Variants in ENY2 observed in about 807,000 individuals in gnomAD.
ENY2 encodes the protein transcription and mRNA export factor ENY2.
ENY2 carries 4 observed loss-of-function variants against 15.9 expected under a neutral mutation model. The ratio of observed to expected loss-of-function variants is 0.25; its 90% CI spans 0.12 to 0.57. ENY2 has a LOEUF of 0.57. ENY2 is among the 20% of genes least tolerant of loss of function. The pLI, the probability that ENY2 is intolerant of heterozygous loss-of-function variation, is 0.91. For synonymous variants in ENY2, 48 were observed against 38.0 expected (o/e 1.26, Z -0.97); for missense variants, 54 against 117.2 (o/e 0.46, Z 2.49).
chr8:109,339,013 G>T, intron 2 of ENY2: 5 of 309,478 alleles, frequency 1.6e-5, no homozygotes, highest in Non-Finnish European at 3.0e-5. Context: ...TGATATTCCT[G>T]TTGGTAGAGG....
In ENY2 at chr8:109,334,486, C is replaced by T. The variant is rs780767587; in HGVS notation, c.6+12C>T. ...CCGCGGTGATGGTGGTGAGCTATGC[C>T]CGTGGTCCTCAGGGCCGGGACCCGG... On this transcript the variant is annotated intron_variant, in intron 1 of 4. Transcript: ENST00000521688. 6.2e-7 allele frequency: 1 copy of T among 1,613,168 alleles called. No homozygotes were observed. Among genetic ancestry groups the T allele is most frequent in the Non-Finnish European group, 8.5e-7 (1 of 1,179,714 alleles).
intron 2 of ENY2, among the ~76,000 whole-genome samples, chr8:109,337,602 CAAAG>C (rs981558439): frequency 7.2e-5 from 11 of 151,952 alleles, no homozygotes; most frequent in African/African-American, 1.9e-4. Flanking sequence ...ATAGAAAAAA[CAAAG>C]AAGAAATCAG....
At chr8:109,340,857 T>A (rs952087353) in intron 4 of ENY2, 53 of 252,338 alleles carry the variant, frequency 2.1e-4, no homozygotes, top group African/African-American at 1.2e-3. Flanking sequence ...TACATGAAGC[T>A]AGGATTTATA....
chr8:109,336,095 G>T, intron 1 of ENY2, 33 bp from the exon 2 acceptor site: 2 of 1,605,236 alleles, frequency 1.2e-6, no homozygotes, highest in Non-Finnish European at 8.5e-7. Flanking sequence ...CTTTGTAAAT[G>T]TTCTATATCT....
chr8:109,334,691 C>T (rs760784288), intron 1 of ENY2: 5 of 572,908 alleles, frequency 8.7e-6, no homozygotes, highest in Non-Finnish European at 1.5e-5. Flanking sequence ...TTCTATTTTC[C>T]CTAAGAATGT....
rs1369694016 is a variant in ENY2, at chr8:109,334,369, C to T, written c.-100C>T. 5 of 1,560,194 alleles carry T rather than the reference C, an allele frequency of 3.2e-6. No homozygotes were observed. The African/African-American group carries it at 4.1e-5, about 13-fold the overall frequency. ...TCTGTGTGCTTAGGTGCCCGAGCTACTGAGGGTCTAAGTCCGGGCAGCCGA... is the reference window on the plus strand; with the variant it reads ...TCTGTGTGCTTAGGTGCCCGAGCTATTGAGGGTCTAAGTCCGGGCAGCCGA... On this transcript the variant is annotated 5_prime_UTR_variant, in exon 1 of 5. Coordinates refer to ENST00000521688, the MANE Select transcript of ENY2 (RefSeq NM_020189.6).
Position 109,344,041 on chromosome 8 carries a change from T to G in ENY2, c.*560T>G, listed in dbSNP as rs1055252057. On this transcript the variant is annotated 3_prime_UTR_variant, in exon 5 of 5. Coordinates refer to ENST00000521688, the MANE Select transcript of ENY2 (RefSeq NM_020189.6). ...CATACCAAGCTCCTTCCACATACTC[T>G]ACTCATCTGAACTTTGAATGCAGAA... The G allele has an allele frequency of 6.6e-6, 1 of 152,258 alleles. No individual in the cohort carries two copies. The highest frequency in any genetic ancestry group is 2.4e-5 in the African/African-American group (1 of 41,440). The allele number at this position is 152,258 out of a possible 1,614,324, so 9.4% of individuals were successfully genotyped here. A position where few individuals can be genotyped will look rare whatever the true frequency, so the allele number is the denominator to read the frequency against.
Position 109,344,007 on chromosome 8 carries a change from A to G in ENY2, c.*526A>G, listed in dbSNP as rs573944197. The G allele has an allele frequency of 6.6e-6, 1 of 152,402 alleles. No homozygotes were observed. Among genetic ancestry groups the G allele is most frequent in the East Asian group, 1.9e-4 (1 of 5,186 alleles). The allele number at this position is 152,402 out of a possible 1,614,324, so 9.4% of individuals were successfully genotyped here. ...CATCTAATGGAAGAGAACATTTGCA[A>G]GTTGGCTCCATACCAAGCTCCTTCC... On this transcript the variant is annotated 3_prime_UTR_variant, in exon 5 of 5. Transcript: ENST00000521688.
rs1017850454 is a variant in ENY2, at chr8:109,334,415, C to G, written c.-54C>G. The stretch of plus-strand genomic sequence containing the variant: ...GCCGAAGAGTGTGGTAGGTAACGGT[C>G]CTCAGCGCAAGGGTCATTTCGTCGC... On this transcript the variant is annotated 5_prime_UTR_variant, in exon 1 of 5. Coordinates refer to ENST00000521688, the MANE Select transcript of ENY2 (RefSeq NM_020189.6). 1.2e-6 allele frequency: 2 copies of G among 1,613,374 alleles called. No homozygotes were observed. The highest frequency in any genetic ancestry group is 1.7e-5 in the Admixed American group (1 of 59,960).
intron 3 of ENY2, 107 bp downstream of exon 3, chr8:109,339,497 CAA>C (rs1178560761): frequency 3.4e-6 from 3 of 885,576 alleles, no homozygotes; most frequent in Non-Finnish European, 3.5e-6. Context: ...TGATTTTAAA[CAA>C]ATATGGAATT....
At position 109,344,507 on chromosome 8, in the gene ENY2, G is replaced by C. The variant is rs972773207; in HGVS notation, c.*1026G>C. On this transcript the variant is annotated 3_prime_UTR_variant, in exon 5 of 5. Transcript: ENST00000521688. ...CCACACCCAGACACCCAACTGCTAT[G>C]GATCAACTTTTTAGAATATCCTCAC... 1 of 152,192 alleles carries C rather than the reference G, an allele frequency of 6.6e-6. No homozygotes were observed. The highest frequency in any genetic ancestry group is 1.5e-5 in the Non-Finnish European group (1 of 68,054). The allele number at this position is 152,192 out of a possible 1,614,324, so 9.4% of individuals were successfully genotyped here.
chr8:109,339,434 A>G (rs1816067949), intron 3 of ENY2, 44 bp downstream of exon 3: 12 of 1,564,574 alleles, frequency 7.7e-6, no homozygotes, highest in Admixed American at 1.7e-5. Flanking sequence ...CATTTTTCTG[A>G]TCAGGATTGG....
intron 2 of ENY2, 26 bp from the exon 3 acceptor site, chr8:109,339,294 A>C (rs777155653): frequency 6.2e-7 from 1 of 1,608,782 alleles, no homozygotes; most frequent in Non-Finnish European, 8.5e-7. Flanking sequence ...ACATTGTTCA[A>C]TTTGAAAACA....
chr8:109,335,920 A>T (rs1815969759), intron 1 of ENY2: 2 of 401,092 alleles, frequency 5.0e-6, no homozygotes, highest in Admixed American at 4.3e-5. Context: ...ATTAAATGTG[A>T]TGTTTAAAAA....
chr8:109,345,082 T>C lies in ENY2; in HGVS notation c.*1601T>C, dbSNP rs781182970. ...TTGAACCCAGAAGCCCCCTTTCTCATATGTTTCTCATTCCTGTTTGCCCTT... is the reference window on the plus strand; with the variant it reads ...TTGAACCCAGAAGCCCCCTTTCTCACATGTTTCTCATTCCTGTTTGCCCTT... On this transcript the variant is annotated 3_prime_UTR_variant, in exon 5 of 5. Coordinates refer to ENST00000521688, the MANE Select transcript of ENY2 (RefSeq NM_020189.6). 1.3e-5 allele frequency: 2 copies of C among 152,198 alleles called. No individual in the cohort carries two copies. Among genetic ancestry groups the C allele is most frequent in the Admixed American group, 6.5e-5 (1 of 15,274 alleles). The allele number at this position is 152,198 out of a possible 1,614,324, so 9.4% of individuals were successfully genotyped here. A position where few individuals can be genotyped will look rare whatever the true frequency, so the allele number is the denominator to read the frequency against.
chr8:109,339,349 T>C lies in ENY2; in HGVS notation c.113T>C (p.Ile38Thr), dbSNP rs779740254. The change falls in exon 3 of 5, where the codon ATT becomes ACT. Residue 38 changes from isoleucine (I) to threonine (T), a missense_variant. By Grantham distance (89) the Ile-to-Thr change is moderately conservative (BLOSUM62 -1). Transcript: ENST00000521688. ...RLKELLRAKL[I>T]ECGWKDQLKA... The stretch of plus-strand genomic sequence containing the variant: ...AAAGAGTTGCTGAGAGCTAAATTAA[T>C]TGAATGTGGCTGGAAGGATCAGTTG... 2 of 1,613,984 alleles carry C rather than the reference T, an allele frequency of 1.2e-6. No individual in the cohort carries two copies. Among genetic ancestry groups the C allele is most frequent in the South Asian group, 2.2e-5 (2 of 91,076 alleles).
chr8:109,334,831 C>T lies in ENY2; in HGVS notation c.6+357C>T, dbSNP rs1399739287. ...CCAAGACGAGATCAAGTTCAATATT[C>T]CAGGAGTGGTACTGACTAGACCTTG... is the stretch of plus-strand genomic sequence containing the variant. On this transcript the variant is annotated intron_variant, in intron 1 of 4. Transcript: ENST00000521688. The T allele has an allele frequency of 1.6e-5, 6 of 365,824 alleles. No individual in the cohort carries two copies. In the Admixed American group the frequency reaches 1.7e-4, roughly 11 times the overall value. The allele number at this position is 365,824 out of a possible 1,614,324, so 22.7% of individuals were successfully genotyped here.
rs1378793038 is a variant in ENY2, at chr8:109,334,488, G to T, written c.6+14G>T. 1.2e-6 allele frequency: 2 copies of T among 1,612,862 alleles called. No homozygotes were observed. Among genetic ancestry groups the T allele is most frequent in the East Asian group, 2.2e-5 (1 of 44,826 alleles). The stretch of plus-strand genomic sequence containing the variant: ...GCGGTGATGGTGGTGAGCTATGCCC[G>T]TGGTCCTCAGGGCCGGGACCCGGGC... On this transcript the variant is annotated intron_variant, in intron 1 of 4. Coordinates refer to ENST00000521688, the MANE Select transcript of ENY2 (RefSeq NM_020189.6).
In ENY2 at chr8:109,345,924, A is replaced by G. The variant is rs1386918617; in HGVS notation, c.*2443A>G. 3 of 152,144 alleles carry G rather than the reference A, an allele frequency of 2.0e-5. No homozygotes were observed. Among genetic ancestry groups the G allele is most frequent in the African/African-American group, 7.2e-5 (3 of 41,414 alleles). The allele number at this position is 152,144 out of a possible 1,614,324, so 9.4% of individuals were successfully genotyped here. On this transcript the variant is annotated 3_prime_UTR_variant, in exon 5 of 5. Transcript: ENST00000521688. ...CTCTAGTTTGTATCTAGAATCACTT[A>G]TATCTTTCAAATAAACCAACTTTGT...
Sources: allele counts gnomAD v4.1 joint callset (sites outside exome capture counted in the v4.1 genomes callset), GRCh38; gene constraint gnomAD v4.1.1; transcripts MANE v1.5; gene names NCBI Gene and HGNC (gene_info 2026-07-23, HGNC 2026-07-21).